Variants in MVK observed in about 807,000 individuals in gnomAD.
MVK encodes the protein LH receptor mRNA-binding protein.
In MVK, 34 loss-of-function variants were observed where a neutral mutation model predicts 43.2. The ratio of observed to expected loss-of-function variants is 0.79; its 90% CI spans 0.60 to 1.05. MVK has a LOEUF of 1.05. Among genes scored for constraint, MVK ranks in the 50% least tolerant of loss-of-function variants. MVK has a pLI of 0.00. For missense variants in MVK, 395 were observed against 504.0 expected (o/e 0.78, Z 2.07); for synonymous variants, 190 against 219.8 (o/e 0.86, Z 1.20).
chr12:109,580,434 T>C (rs1885168114), intron 4 of MVK, among the ~76,000 whole-genome samples: 1 of 152,170 alleles, frequency 6.6e-6, no homozygotes, highest in South Asian at 2.1e-4. Flanking sequence ...TTGTTGTTTT[T>C]GTTTTTGTCC....
At chr12:109,592,522 G>C (rs1003349484) in intron 9 of MVK, among the ~76,000 whole-genome samples, 1 of 152,196 alleles carries the variant, frequency 6.6e-6, no homozygotes, top group Non-Finnish European at 1.5e-5. Context: ...CCGGTCCCCC[G>C]TGGGCATTCG....
chr12:109,582,449 G>T (rs565426944), intron 5 of MVK, among the ~76,000 whole-genome samples: 1 of 152,096 alleles, frequency 6.6e-6, no homozygotes, highest in African/African-American at 2.4e-5. Context: ...GATTTTCCAC[G>T]GGCCAAAGGA....
intron 8 of MVK, 41 bp downstream of exon 8, chr12:109,590,902 A>G (rs766912839): frequency 1.7e-5 from 27 of 1,592,550 alleles, no homozygotes; most frequent in Non-Finnish European, 2.2e-5. Context: ...CAGGAAGGCC[A>G]GGACACAATT....
intron 9 of MVK, among the ~76,000 whole-genome samples, chr12:109,593,901 A>G (rs544492925): frequency 6.6e-6 from 1 of 151,924 alleles, no homozygotes; most frequent in South Asian, 2.1e-4. Context: ...TATATTTAGT[A>G]GAGATGGGGT....
intron 6 of MVK, 56 bp downstream of exon 6, chr12:109,586,181 A>C: frequency 7.5e-7 from 1 of 1,336,340 alleles, no homozygotes; most frequent in Non-Finnish European, 1.1e-6. Context: ...TCTTATTACA[A>C]TGGTAGGTGC....
At position 109,585,867 on chromosome 12, in the gene MVK, G is replaced by A. The variant is rs7311653; in HGVS notation, c.528-155G>A. ...AGAGGGAAGGGCGCACACTTGGCAC[G>A]CTCCGTAGCTGGAGAGGTTCAGAGT... On this transcript the variant is annotated intron_variant, in intron 5 of 10. Coordinates refer to ENST00000228510, the MANE Select transcript of MVK (RefSeq NM_000431.4). Among the ~76,000 whole-genome samples, 19,229 of 152,260 alleles carry A rather than the reference G, an allele frequency of 0.13. 1,550 individuals carry two copies. The highest frequency in any genetic ancestry group is 0.23 in the African/African-American group (9,486 of 41,528).
chr12:109,574,735 G>T (rs1884850567), intron 1 of MVK, 74 bp from the exon 2 acceptor site: 1 of 1,221,842 alleles, frequency 8.2e-7, no homozygotes, highest in South Asian at 1.3e-5. Context: ...GCTTGAACTA[G>T]GTGTTCTAAG....
intron 5 of MVK, among the ~76,000 whole-genome samples, chr12:109,585,379 A>G (rs1358034283): frequency 6.6e-6 from 1 of 152,198 alleles, no homozygotes; most frequent in Admixed American, 6.5e-5. Context: ...CCTTGCCATC[A>G]TTAGACACAC....
rs1354629238 is a variant in MVK, at chr12:109,596,521, A to G, written c.1135A>G (p.Ile379Val). The G allele has an allele frequency of 4.3e-6, 7 of 1,612,668 alleles. No individual in the cohort carries two copies. In the South Asian group the frequency reaches 6.6e-5, roughly 15 times the overall value. The change falls in exon 11 of 11, where the codon ATC becomes GTC. Residue 379 changes from isoleucine to valine, a missense_variant. Coordinates refer to ENST00000228510, the MANE Select transcript of MVK (RefSeq NM_000431.4). ...CAGCATCGGTGCCCCCGGCGTCTCC[A>G]TCCACTCAGCCACCTCCCTGGACAG... ...ETSIGAPGVS[I>V]HSATSLDSRV...
chr12:109,591,329 C>G lies in MVK; in HGVS notation c.857C>G (p.Pro286Arg). The G allele has an allele frequency of 6.2e-7, 1 of 1,614,226 alleles. No homozygotes were observed. The highest frequency in any genetic ancestry group is 8.5e-7 in the Non-Finnish European group (1 of 1,180,044). The part of the protein sequence containing the change: ...ERVLGEMGEA[P>R]APEQYLVLEE... ...GTGCTGGGAGAGATGGGGGAAGCCC[C>G]AGCCCCGGAGCAGTACCTCGTGCTG... The change falls in exon 9 of 11, where the codon CCA becomes CGA. Residue 286 changes from proline to arginine, a missense_variant. Transcript: ENST00000228510.
At chr12:109,580,768 G>A (rs1566144441) in intron 4 of MVK, among the ~76,000 whole-genome samples, 1 of 152,236 alleles carries the variant, frequency 6.6e-6, no homozygotes, top group African/African-American at 2.4e-5. Context: ...ATACATGTAA[G>A]ATGTAGCGAT....
intron 2 of MVK, among the ~76,000 whole-genome samples, chr12:109,575,359 A>G (rs940383401): frequency 1.3e-5 from 2 of 152,074 alleles, no homozygotes; most frequent in African/African-American, 4.8e-5. Flanking sequence ...TCCAAGTCCT[A>G]TATACCTTGG....
rs1335222948 is a variant in MVK at position 109,595,770 on chromosome 12, G to A, written c.1039+589G>A. ...GTCCCACCTGCCTCCATTTCCCTCT[G>A]TGCTCCTTGTCCCCTCCTTCCTTCC... is the stretch of plus-strand genomic sequence containing the variant. On this transcript the variant is annotated intron_variant, in intron 10 of 10. Transcript: ENST00000228510. This position sits in a 1 kb window ranked among gnomAD's most constrained non-coding sequence, Gnocchi z 5.9. Among the ~76,000 whole-genome samples the A allele has an allele frequency of 6.6e-6, 1 of 151,914 alleles. No homozygotes were observed. The highest frequency in any genetic ancestry group is 1.9e-4 in the East Asian group (1 of 5,190).
intron 8 of MVK, 82 bp from the exon 9 acceptor site, chr12:109,591,152 ACCTCCTC>A: frequency 7.9e-7 from 1 of 1,265,618 alleles, no homozygotes; most frequent in Non-Finnish European, 1.2e-6. Flanking sequence ...CTGTGTGAAC[ACCTCCTC>A]CCTCCACCCC....
Position 109,591,240 on chromosome 12 carries a change from G to C in MVK, c.769-1G>C. 6.2e-7 allele frequency: 1 copy of C among 1,613,820 alleles called. No individual in the cohort carries two copies. Among genetic ancestry groups the C allele is most frequent in the Non-Finnish European group, 8.5e-7 (1 of 1,179,886 alleles). Reference sequence around the variant, plus strand: ...CAGCCGTTCCTTCTTTTTTTCTCCAGTTCCCAGAGATCGTGGCCCCCCTCC... The same window carrying C: ...CAGCCGTTCCTTCTTTTTTTCTCCACTTCCCAGAGATCGTGGCCCCCCTCC... On this transcript the variant is annotated splice_acceptor_variant, in intron 8 of 10. Coordinates refer to ENST00000228510, the MANE Select transcript of MVK (RefSeq NM_000431.4). LOFTEE classifies it high-confidence loss of function.
chr12:109,580,487 T>A (rs1234085491), intron 4 of MVK, among the ~76,000 whole-genome samples: 3 of 152,110 alleles, frequency 2.0e-5, no homozygotes, highest in Non-Finnish European at 1.5e-5. Context: ...AGCCCTTCCC[T>A]TGAGCAGCAG....
intron 6 of MVK, 103 bp from the exon 7 acceptor site, chr12:109,586,651 G>A: frequency 7.5e-7 from 1 of 1,336,502 alleles, no homozygotes. Flanking sequence ...CCTCTTTCCT[G>A]AATGGGGCAA....
chr12:109,574,358 T>C (rs551562433), intron 1 of MVK, among the ~76,000 whole-genome samples: 31 of 152,338 alleles, frequency 2.0e-4, no homozygotes, highest in South Asian at 6.2e-4. Flanking sequence ...TGCTCCATGA[T>C]TTCATGTAAT....
intron 4 of MVK, among the ~76,000 whole-genome samples, chr12:109,580,172 A>G (rs935982355): frequency 2.0e-5 from 3 of 152,112 alleles, no homozygotes; most frequent in Admixed American, 2.0e-4. Context: ...GTATGATCTC[A>G]GCTGACTCCA....
Sources: gnomAD v4.1 joint callset for allele counts (sites outside exome capture counted in the v4.1 genomes callset) on GRCh38, gnomAD v4.1.1 for gene constraint, Gnocchi (gnomAD v3.1) non-coding constraint, MANE v1.5 for transcripts, NCBI Gene and HGNC (gene_info 2026-07-23, HGNC 2026-07-21) for gene names.